Variants in NIPBL observed in about 807,000 individuals in gnomAD.
NIPBL encodes the protein nipped-B-like protein.
In NIPBL, 19 loss-of-function variants were observed where a neutral mutation model predicts 321.8. The observed-to-expected ratio is 0.06, with a 90% CI of 0.04 to 0.09. The LOEUF is 0.09. Among genes scored for constraint, NIPBL ranks in the 10% least tolerant of loss-of-function variants. NIPBL has a pLI of 1.00. For synonymous variants in NIPBL, 1,106 were observed against 1,114.1 expected (o/e 0.99, Z 0.14); for missense variants, 2,210 against 3,327.0 (o/e 0.66, Z 8.26).
At chr5:36,995,860 G>T in intron 11 of NIPBL, 56 bp downstream of exon 11, 1 of 1,483,600 alleles carries the variant, frequency 6.7e-7, no homozygotes, top group South Asian at 1.2e-5. Flanking sequence ...AGGTTGATGT[G>T]TTTTTCTCAT....
intron 32 of NIPBL, among the ~76,000 whole-genome samples, chr5:37,034,657 A>G (rs1208126609): frequency 1.3e-5 from 2 of 152,222 alleles, no homozygotes; most frequent in East Asian, 3.8e-4. Context: ...AAAGTGGAAA[A>G]TCAAAGAAAA....
At chr5:37,047,272 T>C (rs182968399) in intron 38 of NIPBL, among the ~76,000 whole-genome samples, 73 of 152,276 alleles carry the variant, frequency 4.8e-4, no homozygotes, top group African/African-American at 1.7e-3. Context: ...TAAAAACTTA[T>C]TTGGAAATTT....
chr5:37,005,971 T>C (rs1233727773), intron 16 of NIPBL, among the ~76,000 whole-genome samples: 1 of 152,174 alleles, frequency 6.6e-6, no homozygotes, highest in Admixed American at 6.5e-5. Flanking sequence ...TGCTTTGTTA[T>C]CACAGCAGCA....
At chr5:37,052,303 A>C in intron 41 of NIPBL, 63 bp from the exon 42 acceptor site, 4 of 1,271,270 alleles carry the variant, frequency 3.1e-6, no homozygotes, top group Admixed American at 3.4e-5. Context: ...TAATGCTCTA[A>C]GTATATTTTT....
chr5:37,052,774 A>AT (rs1322008256), intron 42 of NIPBL, among the ~76,000 whole-genome samples: 2 of 152,232 alleles, frequency 1.3e-5, no homozygotes, highest in African/African-American at 4.8e-5. Flanking sequence ...GGAATAATGT[A>AT]TAATTTTGCC....
At chr5:36,956,740 T>C (rs1463507923) in intron 3 of NIPBL, among the ~76,000 whole-genome samples, 2 of 149,572 alleles carry the variant, frequency 1.3e-5, no homozygotes, top group East Asian at 4.0e-4. Context: ...TTGTTCTGTC[T>C]CAACCTCCTG....
At chr5:36,993,887 A>G (rs1348750452) in intron 10 of NIPBL, among the ~76,000 whole-genome samples, 3 of 152,180 alleles carry the variant, frequency 2.0e-5, no homozygotes, top group Non-Finnish European at 4.4e-5. Flanking sequence ...AACCAGAGTT[A>G]GGCAATCAAG....
chr5:36,883,791 C>T (rs1404928344), intron 1 of NIPBL, among the ~76,000 whole-genome samples: 1 of 151,224 alleles, frequency 6.6e-6, no homozygotes, highest in African/African-American at 2.4e-5. Context: ...AGACATCGAT[C>T]GTCTGAGTGT....
At chr5:36,942,734 C>CAAAA (rs34936238) in intron 1 of NIPBL, among the ~76,000 whole-genome samples, 1 of 94,412 alleles carries the variant, frequency 1.1e-5, no homozygotes, top group African/African-American at 3.9e-5. Flanking sequence ...GACTCTGTCT[C>CAAAA]AAAAAAAAAA....
rs1747644995 is a variant in NIPBL at position 36,906,460 on chromosome 5, C to G, written c.-80+29282C>G. 2.0e-5 allele frequency among the ~76,000 whole-genome samples: 3 copies of G among 152,114 alleles called. No individual in the cohort carries two copies. The South Asian group carries it at 6.2e-4, about 31-fold the overall frequency. On this transcript the variant is annotated intron_variant, in intron 1 of 46. Coordinates refer to ENST00000282516, the MANE Select transcript of NIPBL (RefSeq NM_133433.4). Reference sequence around the variant, plus strand: ...TCCTGTTAAAATCATTTTGTTGTCTCTATTAGTCTTTTCATTAAGAGTGAT... The same window carrying G: ...TCCTGTTAAAATCATTTTGTTGTCTGTATTAGTCTTTTCATTAAGAGTGAT...
chr5:37,020,907 G>A, intron 27 of NIPBL, 30 bp downstream of exon 27: 2 of 1,430,462 alleles, frequency 1.4e-6, no homozygotes, highest in Non-Finnish European at 2.0e-6. Flanking sequence ...CTTATACAGT[G>A]ATATTGATTT....
intron 1 of NIPBL, among the ~76,000 whole-genome samples, chr5:36,921,685 G>A (rs149035632): frequency 1.0e-3 from 156 of 152,178 alleles, no homozygotes; most frequent in Middle Eastern, 6.8e-3. Flanking sequence ...AAAATCCTAC[G>A]TTTTATAAAG....
intron 1 of NIPBL, among the ~76,000 whole-genome samples, chr5:36,946,093 A>G (rs998643701): frequency 7.2e-5 from 11 of 152,080 alleles, no homozygotes; most frequent in Non-Finnish European, 1.3e-4. Flanking sequence ...CTTTTTAAAA[A>G]ATTCTTTAAT....
chr5:37,005,251 A>AT (rs1747290977), intron 16 of NIPBL, among the ~76,000 whole-genome samples: 2 of 152,170 alleles, frequency 1.3e-5, no homozygotes, highest in Non-Finnish European at 2.9e-5. Flanking sequence ...ATATATTTAT[A>AT]TTTTTAAGTG....
chr5:37,034,530 T>A lies in NIPBL; in HGVS notation c.5863-1849T>A, dbSNP rs529531169. Among the ~76,000 whole-genome samples, 18 of 152,276 alleles carry A rather than the reference T, an allele frequency of 1.2e-4. No homozygotes were observed. In the South Asian group the frequency reaches 3.7e-3, roughly 32 times the overall value. ...GGTATAGGCACACAGTGGGGTGTTG[T>A]ACAGCAGAGAAAATCAGTAAAATAC... On this transcript the variant is annotated intron_variant, in intron 32 of 46. Coordinates refer to ENST00000282516, the MANE Select transcript of NIPBL (RefSeq NM_133433.4).
chr5:37,060,914 G>A lies in NIPBL; in HGVS notation c.7756G>A (p.Val2586Ile). Residue 2586 changes from valine (V) to isoleucine (I), a missense_variant, in exon 45 of 47, where the codon GTT (valine) becomes ATT (isoleucine). Val to Ile is a conservative substitution (Grantham distance 29, BLOSUM62 3). Around this residue, in one of 14 missense-constraint regions of NIPBL, gnomAD observed 159 missense variants for 319.2 expected, o/e 0.50. Transcript: ENST00000282516. The part of the protein sequence containing the change: ...YDKAINRKTG[V>I]HFHPKQTLDF... ...TAAAGCGATAAACCGAAAAACAGGA[G>A]TTCATTTTCATCCAAAACAAACACT... is the stretch of plus-strand genomic sequence containing the variant. The A allele has an allele frequency of 6.2e-7, 1 of 1,614,064 alleles. No individual in the cohort carries two copies. The highest frequency in any genetic ancestry group is 1.1e-5 in the South Asian group (1 of 91,084).
intron 3 of NIPBL, among the ~76,000 whole-genome samples, chr5:36,955,949 C>T (rs562005068): frequency 2.0e-4 from 30 of 151,584 alleles, no homozygotes; most frequent in African/African-American, 5.6e-4. Flanking sequence ...TGTCTGGGCG[C>T]GGTGGCTTAC....
At chr5:36,962,075 T>A in intron 5 of NIPBL, 48 bp from the exon 6 acceptor site, 1 of 1,598,284 alleles carries the variant, frequency 6.3e-7, no homozygotes, top group Non-Finnish European at 8.6e-7. Flanking sequence ...AGGAATAGCG[T>A]GTTTATTTTA....
intron 1 of NIPBL, among the ~76,000 whole-genome samples, chr5:36,926,134 C>T (rs928392871): frequency 6.6e-6 from 1 of 152,136 alleles, no homozygotes. Context: ...CACTTTTGAA[C>T]ACTGTAAATG....
Sources: allele counts gnomAD v4.1 joint callset (sites outside exome capture counted in the v4.1 genomes callset), GRCh38; gene constraint gnomAD v4.1.1; regional missense constraint gnomAD v4.1.1; transcripts MANE v1.5; gene names NCBI Gene and HGNC (gene_info 2026-07-23, HGNC 2026-07-21).